COL25A1: variants seen among roughly 807,000 people sequenced by gnomAD.
COL25A1 encodes the protein collagen type XXV alpha 1 chain, also known as collagen alpha-1(XXV) chain.
A neutral mutation model predicts 128.4 loss-of-function variants in COL25A1; 103 were observed. That is an observed-to-expected ratio of 0.80 (90% CI 0.68 to 0.94). The LOEUF (loss-of-function observed/expected upper bound fraction) is 0.94, where lower values mean the gene tolerates loss of function less well. Ranked by LOEUF, COL25A1 falls within the 40% of genes least tolerant of loss-of-function variation. COL25A1 has a pLI of 0.00. For missense variants in COL25A1, 745 were observed against 840.0 expected (o/e 0.89, Z 1.40); for synonymous variants, 279 against 277.2 (o/e 1.01, Z -0.06).
At chr4:109,250,650 G>T (rs1780585547) in intron 3 of COL25A1, among the ~76,000 whole-genome samples, 1 of 152,138 alleles carries the variant, frequency 6.6e-6, no homozygotes, top group South Asian at 2.1e-4. Context: ...CTACCTTTTT[G>T]TTCTATTCAG....
At chr4:108,938,928 A>T (rs1226681684) in intron 10 of COL25A1, among the ~76,000 whole-genome samples, 15 of 152,234 alleles carry the variant, frequency 9.9e-5, no homozygotes, top group Admixed American at 9.8e-4. Context: ...ATACAGTTCA[A>T]GTTATATTTC....
chr4:109,156,852 T>C (rs998685207), intron 3 of COL25A1, among the ~76,000 whole-genome samples: 6 of 152,250 alleles, frequency 3.9e-5, no homozygotes, highest in Non-Finnish European at 1.5e-5. Context: ...TTTCTCTGTG[T>C]ATAGGTACTG....
intron 5 of COL25A1, among the ~76,000 whole-genome samples, chr4:109,029,944 T>C (rs1201607536): frequency 6.6e-6 from 1 of 152,190 alleles, no homozygotes; most frequent in African/African-American, 2.4e-5. Context: ...AGGCACCTCA[T>C]AGATAAAGAA....
rs564496337 is a variant in COL25A1 at position 109,080,624 on chromosome 4, T to C, written c.368-30445A>G. Reference sequence around the variant, plus strand: ...CAATGATGAGCAGTGATATTTTTTATGTAATTATCAAAAGATGTTGAACCC... The same window carrying C: ...CAATGATGAGCAGTGATATTTTTTACGTAATTATCAAAAGATGTTGAACCC... On this transcript the variant is annotated intron_variant, in intron 3 of 37. Coordinates refer to ENST00000399132, the MANE Select transcript of COL25A1 (RefSeq NM_198721.4). 1.9e-4 allele frequency among the ~76,000 whole-genome samples: 29 copies of C among 152,356 alleles called. No homozygotes were observed. In the South Asian group the frequency reaches 5.8e-3, roughly 30 times the overall value.
At chr4:108,905,391 GAATA>G (rs1475306090) in intron 13 of COL25A1, among the ~76,000 whole-genome samples, 1 of 151,870 alleles carries the variant, frequency 6.6e-6, no homozygotes, top group Non-Finnish European at 1.5e-5. Context: ...TGATAATTTT[GAATA>G]GATAGAGTTT....
intron 3 of COL25A1, among the ~76,000 whole-genome samples, chr4:109,104,121 G>C (rs1340765499): frequency 6.6e-6 from 1 of 152,008 alleles, no homozygotes; most frequent in African/African-American, 2.4e-5. Context: ...GCTTGTAATT[G>C]CAACACTTTG....
chr4:109,278,814 T>C (rs1176224768), intron 3 of COL25A1, among the ~76,000 whole-genome samples: 1 of 152,176 alleles, frequency 6.6e-6, no homozygotes, highest in African/African-American at 2.4e-5. Context: ...AACAAAAATA[T>C]CAAAAACTAG....
Position 108,862,561 on chromosome 4 carries a change from A to G in COL25A1, c.1153-16T>C. The G allele has an allele frequency of 5.6e-6, 9 of 1,605,850 alleles. No individual in the cohort carries two copies. The highest frequency in any genetic ancestry group is 6.8e-6 in the Non-Finnish European group (8 of 1,172,988). On this transcript the variant is annotated splice_polypyrimidine_tract_variant and intron_variant, in intron 21 of 37. Transcript: ENST00000399132. ...CTTGTTTCCCCTATTACAGCAGAAT[A>G]AGAGGATGAAAAAGATAAAATTATA...
chr4:108,825,342 A>G, intron 33 of COL25A1, 120 bp from the exon 34 acceptor site: 1 of 793,134 alleles, frequency 1.3e-6, no homozygotes, highest in Non-Finnish European at 2.2e-6. Context: ...CAGAAATGTG[A>G]AAAAGATTCT....
intron 20 of COL25A1, among the ~76,000 whole-genome samples, chr4:108,863,792 C>A (rs769761552): frequency 1.2e-4 from 18 of 152,170 alleles, no homozygotes; most frequent in Non-Finnish European, 2.1e-4. Context: ...CAGCTGAGAG[C>A]CCTTCCTCTC....
intron 5 of COL25A1, among the ~76,000 whole-genome samples, chr4:109,034,451 C>CATA (rs1403401716): frequency 6.6e-6 from 1 of 152,150 alleles, no homozygotes; most frequent in Admixed American, 6.5e-5. Context: ...GATACAACAG[C>CATA]ATACTGTATA....
At position 109,232,322 on chromosome 4, in the gene COL25A1, T is replaced by C. The variant is rs557633910; in HGVS notation, c.367+68261A>G. 7.5e-5 allele frequency among the ~76,000 whole-genome samples: 11 copies of C among 147,610 alleles called. No individual in the cohort carries two copies. The East Asian group carries it at 2.2e-3, about 30-fold the overall frequency. On this transcript the variant is annotated intron_variant, in intron 3 of 37. Transcript: ENST00000399132. ...ACACACTGAAAAAGAAGTAAGATAG[T>C]TCGTATTACTATTTCAGTCAATAAA...
intron 3 of COL25A1, among the ~76,000 whole-genome samples, chr4:109,244,390 T>C (rs1037164428): frequency 1.4e-4 from 22 of 152,102 alleles, no homozygotes; most frequent in African/African-American, 5.3e-4. Context: ...GGCCTTCCTA[T>C]GATTATGCTT....
chr4:108,875,870 T>C (rs898509381), intron 19 of COL25A1, among the ~76,000 whole-genome samples: 1 of 152,134 alleles, frequency 6.6e-6, no homozygotes, highest in African/African-American at 2.4e-5. Context: ...CACCATGGAA[T>C]ACTATGCCGC....
intron 11 of COL25A1, among the ~76,000 whole-genome samples, chr4:108,927,648 A>G (rs1471073003): frequency 6.6e-6 from 1 of 152,190 alleles, no homozygotes; most frequent in Non-Finnish European, 1.5e-5. Context: ...TGATGAAAAA[A>G]AGTTCTACAT....
At chr4:108,831,201 A>C (rs1733059151) in intron 32 of COL25A1, among the ~76,000 whole-genome samples, 1 of 151,742 alleles carries the variant, frequency 6.6e-6, no homozygotes. Context: ...ATAAATATTA[A>C]TAAAAATATT....
intron 3 of COL25A1, among the ~76,000 whole-genome samples, chr4:109,071,395 T>C (rs540868857): frequency 6.6e-6 from 1 of 152,098 alleles, no homozygotes; most frequent in Non-Finnish European, 1.5e-5. Context: ...GGGCAAGGAC[T>C]TCATGTCTAA....
In COL25A1 at chr4:108,941,445, G is replaced by A; in HGVS notation, c.493-8C>T. 1.2e-6 allele frequency: 2 copies of A among 1,610,060 alleles called. No homozygotes were observed. Among genetic ancestry groups the A allele is most frequent in the East Asian group, 2.2e-5 (1 of 44,832 alleles). ...GATTTTAGGAAACACCATCTGATCA[G>A]TCAGTTGAGGTCAAAGGTTGAAGTT... On this transcript the variant is annotated splice_polypyrimidine_tract_variant and splice_region_variant and intron_variant, in intron 8 of 37. Coordinates refer to ENST00000399132, the MANE Select transcript of COL25A1 (RefSeq NM_198721.4).
At chr4:109,215,820 G>A (rs1198855498) in intron 3 of COL25A1, among the ~76,000 whole-genome samples, 1 of 152,076 alleles carries the variant, frequency 6.6e-6, no homozygotes, top group African/African-American at 2.4e-5. Context: ...GATGAATACA[G>A]CATGAGACCC....
Sources: allele counts gnomAD v4.1 joint callset (sites outside exome capture counted in the v4.1 genomes callset), GRCh38; gene constraint gnomAD v4.1.1; transcripts MANE v1.5; gene names NCBI Gene and HGNC (gene_info 2026-07-23, HGNC 2026-07-21).